KMT2D: variants seen among roughly 807,000 people sequenced by gnomAD.
KMT2D encodes the protein lysine methyltransferase 2D, also known as histone-lysine N-methyltransferase 2D.
Under a neutral mutation model 512.7 loss-of-function variants are expected in KMT2D, and 55 were observed. That is an observed-to-expected ratio of 0.11 (90% CI 0.09 to 0.13). The LOEUF is 0.13. Ranked by LOEUF, KMT2D falls within the 10% of genes least tolerant of loss-of-function variation. KMT2D has a pLI of 1.00. For missense variants in KMT2D, 6,061 were observed against 7,127.9 expected (o/e 0.85, Z 5.39); for synonymous variants, 2,995 against 2,904.0 (o/e 1.03, Z -1.01).
Position 49,027,252 on chromosome 12 carries a change from T to G in KMT2D, c.14714A>C (p.Gln4905Pro). 1 of 1,553,196 alleles carries G rather than the reference T, an allele frequency of 6.4e-7. No homozygotes were observed. Among genetic ancestry groups the G allele is most frequent in the Non-Finnish European group, 8.7e-7 (1 of 1,153,164 alleles). The change falls in exon 49 of 55, where the codon CAG (glutamine) becomes CCG (proline). Residue 4905 changes from glutamine (Q) to proline (P), a missense_variant. Gln to Pro is a moderately conservative substitution (Grantham distance 76). Around this residue, in one of 16 missense-constraint regions of KMT2D, gnomAD observed 1,600 missense variants for 1,754.9 expected, o/e 0.91. Coordinates refer to ENST00000301067, the MANE Select transcript of KMT2D (RefSeq NM_003482.4). ...TYNVSNLDVR[Q>P]LSAPPPEEPS... ...TTCTTCAGGAGGTGGGGCCGAGAGC[T>G]GTCGCACATCCAGATTGGAGACATT... is the stretch of plus-strand genomic sequence containing the variant.
At chr12:49,045,795 C>T in intron 19 of KMT2D, 125 bp downstream of exon 19, 1 of 881,878 alleles carries the variant, frequency 1.1e-6, no homozygotes. Flanking sequence ...GGGCAGGCCA[C>T]TTAACTTCTC....
chr12:49,039,566 G>A lies in KMT2D; in HGVS notation c.8098C>T (p.Leu2700=). ...GCAGCTGTTTCCTTCTCCTGCCGCA[G>A]GGTGTTGCGCTGGATCTGCTGCCGA... ...LIRQQIQRNT[L]RQEKETAAAA... Residue 2700 remains leucine (L), a synonymous_variant, in exon 33 of 55, where the codon CTG becomes TTG. Coordinates refer to ENST00000301067, the MANE Select transcript of KMT2D (RefSeq NM_003482.4). This position sits in a 1 kb window ranked among gnomAD's most constrained non-coding sequence, Gnocchi z 5.0. The A allele has an allele frequency of 1.2e-6, 2 of 1,611,906 alleles. No individual in the cohort carries two copies. The highest frequency in any genetic ancestry group is 2.2e-5 in the East Asian group (1 of 44,874).
Position 49,044,811 on chromosome 12 carries a change from T to C in KMT2D, c.4896A>G (p.Ser1632=), listed in dbSNP as rs1195045001. 1.2e-6 allele frequency: 2 copies of C among 1,614,054 alleles called. No homozygotes were observed. Among genetic ancestry groups the C allele is most frequent in the Middle Eastern group, 1.6e-4 (1 of 6,062 alleles). The change falls in exon 20 of 55, where the codon TCA becomes TCG. Residue 1632 remains serine (S), a synonymous_variant. Transcript: ENST00000301067. This position sits in a 1 kb window ranked among gnomAD's most constrained non-coding sequence, Gnocchi z 6.4. ...GEAGLEGSEP[S]DALGPDDKKD... ...TCTTGTCATCAGGGCCAAGGGCATC[T>C]GAGGGCTCAGAACCCTCCAATCCTG...
rs755939422 is a variant in KMT2D at position 49,050,398 on chromosome 12, C to A, written c.3190G>T (p.Val1064Phe). The change falls in exon 12 of 55, where the codon GTC (valine) becomes TTC (phenylalanine). Residue 1064 changes from valine to phenylalanine, a missense_variant. Physicochemically the swap from Val to Phe is conservative, Grantham distance 50. Transcript: ENST00000301067. ...PLSPIGKVVG[V>F]SDEAELHEME... Reference sequence around the variant, plus strand: ...TCGTGCAGCTCAGCCTCATCTGAGACCCCCACTACCTTCCCTATGGGACTC... The same window carrying A: ...TCGTGCAGCTCAGCCTCATCTGAGAACCCCACTACCTTCCCTATGGGACTC... 1 of 1,613,614 alleles carries A rather than the reference C, an allele frequency of 6.2e-7. No homozygotes were observed. The highest frequency in any genetic ancestry group is 8.5e-7 in the Non-Finnish European group (1 of 1,179,730).
In KMT2D at chr12:49,051,938, G is replaced by A. The variant is rs1938075250; in HGVS notation, c.1745C>T (p.Ser582Phe). 1 of 1,613,578 alleles carries A rather than the reference G, an allele frequency of 6.2e-7. No individual in the cohort carries two copies. The highest frequency in any genetic ancestry group is 1.3e-5 in the African/African-American group (1 of 74,886). Residue 582 changes from serine to phenylalanine, a missense_variant, in exon 11 of 55, where the codon TCC becomes TTC. Coordinates refer to ENST00000301067, the MANE Select transcript of KMT2D (RefSeq NM_003482.4). ...LSPPPEESPM[S>F]PPPEESPMSP... ...CATGGGTGACTCTTCAGGTGGAGGG[G>A]ACATGGGTGACTCCTCAGGTGGTGG...
At position 49,031,158 on chromosome 12, in the gene KMT2D, CTACTCAGAG is replaced by C; in HGVS notation, c.13530+8_13530+16del. On this transcript the variant is annotated splice_region_variant and intron_variant, in intron 40 of 54. Transcript: ENST00000301067. ...TAGGACCCACTCTACCTGCTCCACT[CTACTCAGAG>C]TACTCACCTCCTTGTTGCTGGGGGT... 8 of 1,607,280 alleles carry C rather than the reference CTACTCAGAG, an allele frequency of 5.0e-6. No homozygotes were observed. Among genetic ancestry groups the C allele is most frequent in the Non-Finnish European group, 6.8e-6 (8 of 1,176,210 alleles).
chr12:49,022,503 C>T lies in KMT2D; in HGVS notation c.16338+87G>A. 2 of 1,544,052 alleles carry T rather than the reference C, an allele frequency of 1.3e-6. No homozygotes were observed. Among genetic ancestry groups the T allele is most frequent in the Admixed American group, 1.7e-5 (1 of 58,110 alleles). ...TTTCCCTTCTCCCCACCACAGCTTT[C>T]CTCCTGCTCTCCTGTGACCAATCCT... On this transcript the variant is annotated intron_variant, in intron 52 of 54. Transcript: ENST00000301067. This position sits in a 1 kb window ranked among gnomAD's most constrained non-coding sequence, Gnocchi z 8.6.
Position 49,041,020 on chromosome 12 carries a change from G to A in KMT2D, c.6750C>T (p.Pro2250=), listed in dbSNP as rs2120540100. The A allele has an allele frequency of 1.3e-6, 2 of 1,577,786 alleles. No individual in the cohort carries two copies. The highest frequency in any genetic ancestry group is 1.7e-6 in the Non-Finnish European group (2 of 1,160,996). The part of the protein sequence containing the change: ...TPDPFLKPRC[P]SLDNLAVPES... ...CAGGCACAGCCAAGTTATCCAGCGA[G>A]GGGCAGCGGGGTTTGAGGAATGGGT... Residue 2250 remains proline, a synonymous_variant, in exon 32 of 55, where the codon CCC becomes CCT. Transcript: ENST00000301067. This position sits in a 1 kb window ranked among gnomAD's most constrained non-coding sequence, Gnocchi z 5.4.
In KMT2D at chr12:49,038,531, A is replaced by G. The variant is rs1332553453; in HGVS notation, c.8825T>C (p.Leu2942Ser). The change falls in exon 35 of 55, where the codon TTG becomes TCG. Residue 2942 changes from leucine to serine, a missense_variant. Coordinates refer to ENST00000301067, the MANE Select transcript of KMT2D (RefSeq NM_003482.4). The surrounding 1 kb of genome is among the most constrained non-coding windows in gnomAD (Gnocchi z 5.7). ...GGGTGTTGGATGAAGACTGTTGTTCAATTCAGGGGCCGGTGGGGCTGAGGG... is the reference window on the plus strand; with the variant it reads ...GGGTGTTGGATGAAGACTGTTGTTCGATTCAGGGGCCGGTGGGGCTGAGGG... ...QKPSAPPAPE[L>S]NNSLHPTPHT... 6.2e-7 allele frequency: 1 copy of G among 1,609,864 alleles called. No individual in the cohort carries two copies. The highest frequency in any genetic ancestry group is 8.5e-7 in the Non-Finnish European group (1 of 1,176,882).
At position 49,046,493 on chromosome 12, in the gene KMT2D, G is replaced by A. The variant is rs1943792147; in HGVS notation, c.4419-69C>T. 4.4e-6 allele frequency: 7 copies of A among 1,590,150 alleles called. No homozygotes were observed. The highest frequency in any genetic ancestry group is 6.0e-6 in the Non-Finnish European group (7 of 1,165,412). Reference sequence around the variant, plus strand: ...GAAGTACCCAGAAGTCCCCTCACCGGAAACCCAAGCCACCAGCCTGGCCTC... The same window carrying A: ...GAAGTACCCAGAAGTCCCCTCACCGAAAACCCAAGCCACCAGCCTGGCCTC... On this transcript the variant is annotated intron_variant, in intron 16 of 54. Transcript: ENST00000301067. This position sits in a 1 kb window ranked among gnomAD's most constrained non-coding sequence, Gnocchi z 4.2.
At position 49,059,814 on chromosome 12, in the gene KMT2D, T is replaced by C; in HGVS notation, c.-239A>G. ...AGAAGCCAAAGAGGGGTTCTCTGCCTCAGGTTCCAGCAGTTTAGGTTTCCA... is the reference window on the plus strand; with the variant it reads ...AGAAGCCAAAGAGGGGTTCTCTGCCCCAGGTTCCAGCAGTTTAGGTTTCCA... On this transcript the variant is annotated 5_prime_UTR_variant, in exon 1 of 55. Coordinates refer to ENST00000301067, the MANE Select transcript of KMT2D (RefSeq NM_003482.4). 1 of 152,318 alleles carries C rather than the reference T, an allele frequency of 6.6e-6. No homozygotes were observed. The highest frequency in any genetic ancestry group is 1.5e-5 in the Non-Finnish European group (1 of 68,156). 9.4% of individuals were successfully genotyped at this position (152,318 alleles called of 1,614,324 possible). A position where few individuals can be genotyped will look rare whatever the true frequency, so the allele number is the denominator to read the frequency against.
At position 49,039,506 on chromosome 12, in the gene KMT2D, A is replaced by C. The variant is rs1404607956; in HGVS notation, c.8158T>G (p.Trp2720Gly). 6.2e-7 allele frequency: 1 copy of C among 1,611,706 alleles called. No homozygotes were observed. The highest frequency in any genetic ancestry group is 1.7e-4 in the Middle Eastern group (1 of 6,056). ...GCAGGGCTGCTGGGCTCAGCACCCC[A>C]GCTGCCTGGAGGCCCCACTGCTCCT... ...AAGAVGPPGS[W>G]GAEPSSPAFE... Residue 2720 changes from tryptophan (W) to glycine (G), a missense_variant, in exon 33 of 55, where the codon TGG (tryptophan) becomes GGG (glycine). Physicochemically the swap from Trp to Gly is radical, Grantham distance 184 (BLOSUM62 -2). This residue lies in a region of KMT2D where 527 missense variants were observed against 578.9 expected (regional missense o/e 0.91). Transcript: ENST00000301067. This position sits in a 1 kb window ranked among gnomAD's most constrained non-coding sequence, Gnocchi z 5.0.
At chr12:49,021,936 A>G in intron 54 of KMT2D, 64 bp from the exon 55 acceptor site, 2 of 1,566,934 alleles carry the variant, frequency 1.3e-6, no homozygotes, top group Non-Finnish European at 1.8e-6. Flanking sequence ...GCCAGAGAAG[A>G]TATGATCTGA....
rs190063096 is a variant in KMT2D at position 49,019,736 on chromosome 12, G to T, written c.*2044C>A. ...CTGATTTAATTACAGCGGTTCCTGT[G>T]GGAGTGGGGGCTGTTATTCTCTTAA... On this transcript the variant is annotated 3_prime_UTR_variant, in exon 55 of 55. Coordinates refer to ENST00000301067, the MANE Select transcript of KMT2D (RefSeq NM_003482.4). 44 of 232,866 alleles carry T rather than the reference G, an allele frequency of 1.9e-4. No homozygotes were observed. Among genetic ancestry groups the T allele is most frequent in the Non-Finnish European group, 3.3e-4 (39 of 117,586 alleles). The allele number at this position is 232,866 out of a possible 1,614,324, so 14.4% of individuals were successfully genotyped here.
chr12:49,046,151 C>T lies in KMT2D; in HGVS notation c.4607G>A (p.Ser1536Asn), dbSNP rs2120601574. The change falls in exon 18 of 55, where the codon AGC (serine) becomes AAC (asparagine). Residue 1536 changes from serine (S) to asparagine (N), a missense_variant. By Grantham distance (46) the Ser-to-Asn change is conservative (BLOSUM62 1). Around this residue, in one of 16 missense-constraint regions of KMT2D, gnomAD observed 640 missense variants for 814.3 expected, o/e 0.79. Coordinates refer to ENST00000301067, the MANE Select transcript of KMT2D (RefSeq NM_003482.4). The surrounding 1 kb of genome is among the most constrained non-coding windows in gnomAD (Gnocchi z 4.2). ...CERWMHAGCE[S>N]LFTEDDVEQA... Reference sequence around the variant, plus strand: ...CTCCACATCGTCCTCTGTGAAGAGGCTCTCACAGCCTGCATGCATCCACCT... The same window carrying T: ...CTCCACATCGTCCTCTGTGAAGAGGTTCTCACAGCCTGCATGCATCCACCT... 1 of 1,611,288 alleles carries T rather than the reference C, an allele frequency of 6.2e-7. No individual in the cohort carries two copies. Among genetic ancestry groups the T allele is most frequent in the African/African-American group, 1.3e-5 (1 of 74,982 alleles).
Position 49,034,480 on chromosome 12 carries a change from C to T in KMT2D, c.10441-4G>A. The stretch of plus-strand genomic sequence containing the variant: ...AGGGATCACCAGCACTCCGCTCCTG[C>T]AATGAGAGAGGCTGCTAAAGGGTCA... On this transcript the variant is annotated splice_region_variant and splice_polypyrimidine_tract_variant and intron_variant, in intron 37 of 54. Transcript: ENST00000301067. 2 of 1,613,576 alleles carry T rather than the reference C, an allele frequency of 1.2e-6. No homozygotes were observed. Among genetic ancestry groups the T allele is most frequent in the Non-Finnish European group, 8.5e-7 (1 of 1,179,774 alleles).
chr12:49,053,014 T>C lies in KMT2D; in HGVS notation c.1013A>G (p.Glu338Gly). 6.2e-7 allele frequency: 1 copy of C among 1,613,944 alleles called. No individual in the cohort carries two copies. The highest frequency in any genetic ancestry group is 8.5e-7 in the Non-Finnish European group (1 of 1,179,866). Residue 338 changes from glutamate to glycine, a missense_variant, in exon 9 of 55, where the codon GAG (glutamate) becomes GGG (glycine). Glu to Gly is a moderately conservative substitution (Grantham distance 98, BLOSUM62 -2). Around this residue, in one of 16 missense-constraint regions of KMT2D, gnomAD observed 848 missense variants for 838.5 expected, o/e 1.01. Coordinates refer to ENST00000301067, the MANE Select transcript of KMT2D (RefSeq NM_003482.4). ...AGSAELNPNS[E>G]WFENYSLCHR... ...ACAGAGAGAGTAGTTCTCAAACCACTCCGAGTTGGGATTCAGTTCTGCTGA... is the reference window on the plus strand; with the variant it reads ...ACAGAGAGAGTAGTTCTCAAACCACCCCGAGTTGGGATTCAGTTCTGCTGA...
rs765078837 is a variant in KMT2D at position 49,033,723 on chromosome 12, C to G, written c.10982G>C (p.Gly3661Ala). The change falls in exon 40 of 55, where the codon GGT becomes GCT. Residue 3661 changes from glycine (G) to alanine (A), a missense_variant. Physicochemically the swap from Gly to Ala is moderately conservative, Grantham distance 60. Around this residue, in one of 16 missense-constraint regions of KMT2D, gnomAD observed 1,600 missense variants for 1,754.9 expected, o/e 0.91. Coordinates refer to ENST00000301067, the MANE Select transcript of KMT2D (RefSeq NM_003482.4). The stretch of plus-strand genomic sequence containing the variant: ...ACCAGGCTGTCCAGGTAGTGCCATA[C>G]CCCCAGGGGTCAGGCGAAGACCTCC... ...QAGGLRLTPG[G>A]MALPGQPGGP... is the part of the protein sequence containing the mutation. 1 of 1,613,452 alleles carries G rather than the reference C, an allele frequency of 6.2e-7. No homozygotes were observed. The highest frequency in any genetic ancestry group is 1.3e-5 in the African/African-American group (1 of 74,920).
intron 19 of KMT2D, 51 bp from the exon 20 acceptor site, chr12:49,045,016 C>A (rs1943720605): frequency 1.0e-5 from 16 of 1,533,240 alleles, no homozygotes; most frequent in Non-Finnish European, 1.4e-5. Context: ...CCCAGGGAAA[C>A]CAGAACTGCA....
Sources: allele counts gnomAD v4.1 joint callset, GRCh38; gene constraint gnomAD v4.1.1; regional missense constraint gnomAD v4.1.1; non-coding constraint Gnocchi (gnomAD v3.1); transcripts MANE v1.5; gene names NCBI Gene and HGNC (gene_info 2026-07-23, HGNC 2026-07-21).